SPATA16: variants seen among roughly 807,000 people sequenced by gnomAD.
SPATA16 encodes spermatogenesis associated 16, also known as spermatogenesis-associated protein 16.
A neutral mutation model predicts 63.3 loss-of-function variants in SPATA16; 36 were observed. The ratio of observed to expected loss-of-function variants is 0.57; its 90% CI spans 0.44 to 0.75. SPATA16 has a LOEUF of 0.75. Among genes scored for constraint, SPATA16 ranks in the 30% least tolerant of loss-of-function variants. The probability of loss-of-function intolerance (pLI) is 0.00; values close to 1 mark genes in which losing one functional copy is unlikely to be tolerated. For synonymous variants in SPATA16, 203 were observed against 216.7 expected, an observed-to-expected ratio of 0.94 and a Z score of 0.56; for missense variants, 646 against 679.3, an observed-to-expected ratio of 0.95 and a Z score of 0.54.
chr3:172,890,673 G>A (rs942241312), intron 10 of SPATA16, among the ~76,000 whole-genome samples: 5 of 150,112 alleles, frequency 3.3e-5, no homozygotes, highest in African/African-American at 1.2e-4. Context: ...GTCAAAAAGA[G>A]AATAATAAAT....
chr3:173,109,637 A>G (rs1377944018), intron 2 of SPATA16, among the ~76,000 whole-genome samples: 1 of 152,222 alleles, frequency 6.6e-6, no homozygotes, highest in Non-Finnish European at 1.5e-5. Context: ...ACACTAAAAT[A>G]TGTTGGATAT....
chr3:173,043,987 C>A (rs1735904188), intron 3 of SPATA16, among the ~76,000 whole-genome samples: 1 of 151,982 alleles, frequency 6.6e-6, no homozygotes. Flanking sequence ...ATTGTTCCTC[C>A]TGTGTAATGC....
At position 173,051,350 on chromosome 3, in the gene SPATA16, G is replaced by GCC. The variant is rs1392944384; in HGVS notation, c.613-2257_613-2256insGG. ...CCCAAGTAGTTGGGATTACAGGCAA[G>GCC]TGCCACCACGCCCGGCTAATTTTTT... On this transcript the variant is annotated intron_variant, in intron 2 of 10. Transcript: ENST00000351008. Among the ~76,000 whole-genome samples the GCC allele has an allele frequency of 3.3e-3, 508 of 152,238 alleles. 5 individuals are homozygous for GCC. Among genetic ancestry groups the GCC allele is most frequent in the African/African-American group, 0.011 (461 of 41,556 alleles).
intron 4 of SPATA16, among the ~76,000 whole-genome samples, chr3:172,983,916 C>T (rs1416647316): frequency 6.6e-6 from 1 of 152,154 alleles, no homozygotes; most frequent in Non-Finnish European, 1.5e-5. Flanking sequence ...TCCTCTTCAA[C>T]ACATTTTCCA....
At chr3:172,956,921 C>A in intron 5 of SPATA16, 97 bp from the exon 6 acceptor site, 1 of 1,399,056 alleles carries the variant, frequency 7.1e-7, no homozygotes, top group South Asian at 1.2e-5. Flanking sequence ...ACTTAAAAAT[C>A]TATATACTGT....
At chr3:173,104,732 A>G (rs910884850) in intron 2 of SPATA16, among the ~76,000 whole-genome samples, 10 of 152,164 alleles carry the variant, frequency 6.6e-5, no homozygotes, top group African/African-American at 1.7e-4. Flanking sequence ...TATATAATTT[A>G]TCTTTCCATC....
At chr3:173,034,422 A>C (rs1487635890) in intron 3 of SPATA16, among the ~76,000 whole-genome samples, 1 of 152,138 alleles carries the variant, frequency 6.6e-6, no homozygotes, top group African/African-American at 2.4e-5. Flanking sequence ...TGACAGAAAA[A>C]TCAAAACAAT....
chr3:172,983,755 ACACT>A (rs1466882158), intron 4 of SPATA16, among the ~76,000 whole-genome samples: 1 of 152,054 alleles, frequency 6.6e-6, no homozygotes, highest in African/African-American at 2.4e-5. Context: ...ACAAACACAC[ACACT>A]CACACACACA....
intron 6 of SPATA16, among the ~76,000 whole-genome samples, chr3:172,940,293 G>C (rs1733114903): frequency 1.3e-5 from 2 of 152,196 alleles, no homozygotes; most frequent in Admixed American, 1.3e-4. Flanking sequence ...AATGGGCACA[G>C]TTTTGTCATA....
rs576328207 is a variant in SPATA16, at chr3:172,984,414, T to C, written c.849-7362A>G. Among the ~76,000 whole-genome samples, 10 of 152,352 alleles carry C rather than the reference T, an allele frequency of 6.6e-5. No homozygotes were observed. The South Asian group carries it at 2.1e-3, about 32-fold the overall frequency. On this transcript the variant is annotated intron_variant, in intron 4 of 10. Coordinates refer to ENST00000351008, the MANE Select transcript of SPATA16 (RefSeq NM_031955.6). Reference sequence around the variant, plus strand: ...CTGTGTTTGGGCTTTCCTTCGGTTATCCATCTTCCTTCCCCCTTACTGCCT... The same window carrying C: ...CTGTGTTTGGGCTTTCCTTCGGTTACCCATCTTCCTTCCCCCTTACTGCCT...
At chr3:173,080,246 C>G (rs951549988) in intron 2 of SPATA16, among the ~76,000 whole-genome samples, 1 of 151,994 alleles carries the variant, frequency 6.6e-6, no homozygotes, top group African/African-American at 2.4e-5. Context: ...CAGAATCCAC[C>G]GAAGTATCTT....
At chr3:173,010,246 G>A (rs1044669589) in intron 4 of SPATA16, among the ~76,000 whole-genome samples, 1 of 152,142 alleles carries the variant, frequency 6.6e-6, no homozygotes, top group Non-Finnish European at 1.5e-5. Context: ...AGGCCATTGT[G>A]CCCCCCTCTG....
At chr3:172,890,094 C>T (rs1411513155) in intron 10 of SPATA16, among the ~76,000 whole-genome samples, 1 of 152,166 alleles carries the variant, frequency 6.6e-6, no homozygotes, top group Non-Finnish European at 1.5e-5. Flanking sequence ...AACAAACTTA[C>T]CTCCTTCAAA....
chr3:173,027,414 G>T (rs1735475678), intron 3 of SPATA16, among the ~76,000 whole-genome samples: 1 of 151,706 alleles, frequency 6.6e-6, no homozygotes, highest in African/African-American at 2.4e-5. Context: ...TATTTTCTTT[G>T]CCCTATTGTA....
At chr3:172,979,536 C>T (rs1734249540) in intron 4 of SPATA16, among the ~76,000 whole-genome samples, 1 of 152,178 alleles carries the variant, frequency 6.6e-6, no homozygotes, top group Non-Finnish European at 1.5e-5. Flanking sequence ...GGAGGTAGAT[C>T]ACCCCAGTGG....
chr3:173,011,340 G>T (rs867591144), intron 4 of SPATA16, among the ~76,000 whole-genome samples: 71 of 152,246 alleles, frequency 4.7e-4, no homozygotes, highest in African/African-American at 1.5e-3. Context: ...CACAGAAAAA[G>T]CTTCCAATAA....
intron 4 of SPATA16, among the ~76,000 whole-genome samples, chr3:173,000,333 G>T (rs147611773): frequency 1.3e-5 from 2 of 152,136 alleles, no homozygotes; most frequent in Non-Finnish European, 2.9e-5. Context: ...TATTTTGTTA[G>T]AGTAACCCAA....
chr3:172,940,500 C>T (rs537134952), intron 6 of SPATA16, among the ~76,000 whole-genome samples: 8 of 151,960 alleles, frequency 5.3e-5, no homozygotes, highest in Non-Finnish European at 1.2e-4. Flanking sequence ...CTATTAGATA[C>T]AAAATATAAA....
intron 3 of SPATA16, among the ~76,000 whole-genome samples, chr3:173,025,707 A>T (rs1333400078): frequency 2.6e-5 from 4 of 151,984 alleles, no homozygotes; most frequent in Non-Finnish European, 5.9e-5. Flanking sequence ...GGAATAATAT[A>T]GTATATACCC....
Sources: allele counts gnomAD v4.1 joint callset (sites outside exome capture counted in the v4.1 genomes callset), GRCh38; gene constraint gnomAD v4.1.1; transcripts MANE v1.5; gene names NCBI Gene and HGNC (gene_info 2026-07-23, HGNC 2026-07-21).